The following ORC3 variants were observed in gnomAD, a reference collection of about 807,000 sequenced individuals.
The protein encoded by ORC3 is origin recognition complex subunit 3, also known as homolog of latheo, Drosophila.
ORC3 carries 78 observed loss-of-function variants against 100.7 expected under a neutral mutation model. That is an observed-to-expected ratio of 0.77 (90% CI 0.65 to 0.94). The LOEUF (loss-of-function observed/expected upper bound fraction) is 0.94, where lower values mean the gene tolerates loss of function less well. Ranked by LOEUF, ORC3 falls within the 40% of genes least tolerant of loss-of-function variation. The pLI, the probability that ORC3 is intolerant of heterozygous loss-of-function variation, is 0.00. For synonymous variants in ORC3, 295 were observed against 289.3 expected (o/e 1.02, Z -0.20); for missense variants, 789 against 823.9 (o/e 0.96, Z 0.52).
intron 11 of ORC3, among the ~76,000 whole-genome samples, chr6:87,631,536 A>G (rs1215298916): frequency 6.6e-6 from 1 of 152,156 alleles, no homozygotes; most frequent in Non-Finnish European, 1.5e-5. Context: ...TCTGTCACCC[A>G]GGCTGGACTG....
intron 11 of ORC3, among the ~76,000 whole-genome samples, chr6:87,633,521 G>A (rs889207187): frequency 6.6e-6 from 1 of 152,198 alleles, no homozygotes; most frequent in African/African-American, 2.4e-5. Context: ...TTCAGGTAAT[G>A]ACCCGTAGAT....
At chr6:87,661,953 T>C (rs1770214421) in intron 16 of ORC3, among the ~76,000 whole-genome samples, 2 of 152,196 alleles carry the variant, frequency 1.3e-5, no homozygotes, top group Non-Finnish European at 2.9e-5. Flanking sequence ...TTTAATGCCA[T>C]ATTTTTTAGT....
At chr6:87,606,446 G>A (rs775215974) in intron 5 of ORC3, among the ~76,000 whole-genome samples, 87 of 151,962 alleles carry the variant, frequency 5.7e-4, no homozygotes, top group Non-Finnish European at 1.1e-3. Flanking sequence ...CCACCATGGT[G>A]AAAAATAGTC....
chr6:87,625,938 A>G (rs1482251504), intron 11 of ORC3, among the ~76,000 whole-genome samples: 1 of 152,210 alleles, frequency 6.6e-6, no homozygotes, highest in African/African-American at 2.4e-5. Context: ...TTTATTAAAT[A>G]GGGAATCCTT....
chr6:87,597,948 G>A (rs1160064099), intron 2 of ORC3, among the ~76,000 whole-genome samples: 4 of 152,150 alleles, frequency 2.6e-5, no homozygotes, highest in Non-Finnish European at 4.4e-5. Flanking sequence ...GGGACACATA[G>A]CATGCAGTGA....
chr6:87,638,047 G>A (rs1562360727), intron 13 of ORC3, among the ~76,000 whole-genome samples: 1 of 152,188 alleles, frequency 6.6e-6, no homozygotes, highest in Non-Finnish European at 1.5e-5. Flanking sequence ...CTTCAAAGCT[G>A]TTATACCTTC....
At chr6:87,657,012 A>C in intron 15 of ORC3, 30 bp downstream of exon 15, 1 of 1,368,106 alleles carries the variant, frequency 7.3e-7, no homozygotes, top group East Asian at 2.3e-5. Flanking sequence ...TTCCAGCTGC[A>C]TCCTGTGACA....
chr6:87,670,225 A>C (rs1216857095), downstream of ORC3, among the ~76,000 whole-genome samples: 3 of 152,060 alleles, frequency 2.0e-5, no homozygotes, highest in Non-Finnish European at 4.4e-5. Context: ...GAGTGCAGTG[A>C]CACGATTTGG....
At chr6:87,596,039 C>T (rs1439554756) in intron 2 of ORC3, among the ~76,000 whole-genome samples, 1 of 151,436 alleles carries the variant, frequency 6.6e-6, no homozygotes, top group Non-Finnish European at 1.5e-5. Flanking sequence ...CAGGGTCTCA[C>T]TTTGTTGCCC....
chr6:87,674,212 G>A, the ORC3 span, among the ~76,000 whole-genome samples: 16 of 144,786 alleles, frequency 1.1e-4, no homozygotes, highest in Non-Finnish European at 2.1e-4. Flanking sequence ...TGAGGCAGGA[G>A]AATCGCTTGA....
intron 11 of ORC3, among the ~76,000 whole-genome samples, chr6:87,629,767 ATTAT>A (rs1767246878): frequency 6.6e-6 from 1 of 151,946 alleles, no homozygotes; most frequent in African/African-American, 2.4e-5. Context: ...ATGTGTACCT[ATTAT>A]TTAGCTCTCA....
At chr6:87,673,109 C>CATAA in the ORC3 span, among the ~76,000 whole-genome samples, 1 of 145,888 alleles carries the variant, frequency 6.9e-6, no homozygotes, top group Non-Finnish European at 1.5e-5. Flanking sequence ...AGGACTTTTG[C>CATAA]ATAAGTGATA....
Position 87,610,857 on chromosome 6 carries a change from A to G in ORC3, c.714-1232A>G, listed in dbSNP as rs925787511. ...CGTGAGCCACCGCGCCCGGCCTACT[A>G]ATATACTTTAAATTTCTACTTTGAT... On this transcript the variant is annotated intron_variant, in intron 7 of 19. Coordinates refer to ENST00000392844, the MANE Select transcript of ORC3 (RefSeq NM_012381.4). 2.0e-5 allele frequency among the ~76,000 whole-genome samples: 3 copies of G among 151,230 alleles called. No individual in the cohort carries two copies. The East Asian group carries it at 5.8e-4, about 29-fold the overall frequency.
At chr6:87,621,879 C>G (rs1779556674) in intron 10 of ORC3, 71 bp from the exon 11 acceptor site, 1 of 1,052,488 alleles carries the variant, frequency 9.5e-7, no homozygotes, top group Non-Finnish European at 1.4e-6. Context: ...AGTTCTTTTT[C>G]CCAATATGCT....
intron 11 of ORC3, among the ~76,000 whole-genome samples, chr6:87,626,932 A>G (rs1409453889): frequency 6.6e-6 from 1 of 152,202 alleles, no homozygotes; most frequent in African/African-American, 2.4e-5. Context: ...ATAACTTGTT[A>G]TATATTTTTC....
chr6:87,676,466 A>C, the ORC3 span, among the ~76,000 whole-genome samples: 1 of 144,360 alleles, frequency 6.9e-6, no homozygotes, highest in East Asian at 2.0e-4. Flanking sequence ...AAAAAAAAAA[A>C]AAAAACGAGG....
At chr6:87,602,950 A>T (rs1314845827) in intron 3 of ORC3, among the ~76,000 whole-genome samples, 1 of 115,778 alleles carries the variant, frequency 8.6e-6, no homozygotes. Flanking sequence ...ATATACACAT[A>T]TATAATATAT....
chr6:87,602,180 C>T (rs571399053), intron 3 of ORC3, among the ~76,000 whole-genome samples: 6 of 152,036 alleles, frequency 3.9e-5, no homozygotes, highest in Non-Finnish European at 7.4e-5. Context: ...TGCAGTGAGC[C>T]GAGATAGTAC....
At chr6:87,639,754 C>T (rs7765139) in intron 13 of ORC3, among the ~76,000 whole-genome samples, 6 of 144,790 alleles carry the variant, frequency 4.1e-5, no homozygotes, top group South Asian at 4.3e-4. Flanking sequence ...CCAAGGTGGG[C>T]GGATCACTTG....
Sources: allele counts gnomAD v4.1 joint callset (sites outside exome capture counted in the v4.1 genomes callset), GRCh38; gene constraint gnomAD v4.1.1; transcripts MANE v1.5; gene names NCBI Gene and HGNC (gene_info 2026-07-23, HGNC 2026-07-21).